AFG1L: variants seen among roughly 807,000 people sequenced by gnomAD.
The protein encoded by AFG1L is AFG1-like ATPase.
AFG1L carries 53 observed loss-of-function variants against 62.2 expected under a neutral mutation model. The observed-to-expected ratio is 0.85, with a 90% CI of 0.68 to 1.07. The LOEUF (loss-of-function observed/expected upper bound fraction) is 1.07, where lower values mean the gene tolerates loss of function less well. AFG1L is among the 50% of genes least tolerant of loss of function. The probability of loss-of-function intolerance (pLI) is 0.00; values close to 1 mark genes in which losing one functional copy is unlikely to be tolerated. For synonymous variants in AFG1L, 228 were observed against 210.3 expected (o/e 1.08, Z -0.73); for missense variants, 555 against 590.5 (o/e 0.94, Z 0.62).
intron 1 of AFG1L, among the ~76,000 whole-genome samples, chr6:108,316,966 A>T (rs1452524256): frequency 6.6e-6 from 1 of 152,210 alleles, no homozygotes; most frequent in East Asian, 1.9e-4. Flanking sequence ...AATATACAAT[A>T]TACAATTTTC....
chr6:108,315,310 A>G (rs1267987973), intron 1 of AFG1L, among the ~76,000 whole-genome samples: 2 of 152,172 alleles, frequency 1.3e-5, no homozygotes, highest in Non-Finnish European at 2.9e-5. Flanking sequence ...CCTCATCTAT[A>G]ACCTTAGGCT....
chr6:108,405,949 A>G (rs1781834051), intron 7 of AFG1L, among the ~76,000 whole-genome samples: 1 of 151,944 alleles, frequency 6.6e-6, no homozygotes, highest in Non-Finnish European at 1.5e-5. Flanking sequence ...ATGTTGTAAC[A>G]TGTGTCAGAA....
intron 1 of AFG1L, among the ~76,000 whole-genome samples, chr6:108,323,551 G>A (rs764433954): frequency 5.3e-5 from 8 of 152,062 alleles, no homozygotes; most frequent in South Asian, 2.1e-4. Flanking sequence ...TAGTAGAGAT[G>A]TGGTTTCACC....
At chr6:108,495,694 G>A (rs1244714665) in intron 10 of AFG1L, among the ~76,000 whole-genome samples, 1 of 152,172 alleles carries the variant, frequency 6.6e-6, no homozygotes, top group Non-Finnish European at 1.5e-5. Context: ...ATATAATCAA[G>A]CTGTATACTC....
At chr6:108,516,269 C>T (rs1473778745) in intron 11 of AFG1L, among the ~76,000 whole-genome samples, 9 of 152,220 alleles carry the variant, frequency 5.9e-5, no homozygotes, top group African/African-American at 1.7e-4. Flanking sequence ...ACTGGCAAAC[C>T]GAATCCAGCA....
intron 6 of AFG1L, among the ~76,000 whole-genome samples, chr6:108,398,609 TTTTTA>T (rs1469561756): frequency 6.6e-6 from 1 of 152,172 alleles, no homozygotes; most frequent in East Asian, 1.9e-4. Flanking sequence ...TAAGTCTTTA[TTTTTA>T]TTTTATTTTT....
chr6:108,463,661 T>C (rs150021742), intron 8 of AFG1L, among the ~76,000 whole-genome samples: 3 of 152,088 alleles, frequency 2.0e-5, no homozygotes, highest in Admixed American at 6.5e-5. Context: ...AGGTCAAGAT[T>C]AATGGAACCA....
chr6:108,522,309 G>A lies in AFG1L; in HGVS notation c.1330G>A (p.Gly444Arg). Residue 444 changes from glycine (G) to arginine (R), a missense_variant, in exon 13 of 13, where the codon GGA becomes AGA. Physicochemically the swap from Gly to Arg is moderately radical, Grantham distance 125. Transcript: ENST00000368977. ...GTTTTATAACCAGGATTCAGCAGAA[G>A]GACTCTCCATGTTTACCGGAGAAGA... ...DLGLSQDSAEGLSMFTGEEEI... is the reference protein window; with the variant it reads ...DLGLSQDSAERLSMFTGEEEI... 6.2e-7 allele frequency: 1 copy of A among 1,613,200 alleles called. No homozygotes were observed. The highest frequency in any genetic ancestry group is 1.1e-5 in the South Asian group (1 of 91,022).
chr6:108,332,150 T>A (rs1778299526), intron 2 of AFG1L, among the ~76,000 whole-genome samples: 1 of 152,196 alleles, frequency 6.6e-6, no homozygotes, highest in South Asian at 2.1e-4. Flanking sequence ...CAAAAACAAG[T>A]GTCATGCTGG....
chr6:108,441,701 T>TAA (rs33913085), intron 7 of AFG1L, among the ~76,000 whole-genome samples: 3,877 of 141,692 alleles, frequency 0.027, 166 homozygotes, highest in African/African-American at 0.086. Flanking sequence ...GAGGTTTATT[T>TAA]AAAAAAAAAA....
chr6:108,486,264 AT>A (rs1330078127), intron 10 of AFG1L, among the ~76,000 whole-genome samples: 1 of 151,724 alleles, frequency 6.6e-6, no homozygotes. Flanking sequence ...TTAAACAGAA[AT>A]TTTTTTTTAA....
chr6:108,314,521 C>T (rs958663275), intron 1 of AFG1L, among the ~76,000 whole-genome samples: 5 of 151,828 alleles, frequency 3.3e-5, no homozygotes, highest in Admixed American at 2.0e-4. Flanking sequence ...CTCAGCCTCC[C>T]TGGTAGCTGC....
At chr6:108,502,294 C>T (rs1190763680) in intron 10 of AFG1L, among the ~76,000 whole-genome samples, 1 of 151,910 alleles carries the variant, frequency 6.6e-6, no homozygotes, top group Non-Finnish European at 1.5e-5. Context: ...TAACCTCTGC[C>T]TCCTGGGTTT....
At chr6:108,400,574 TTTA>T (rs571000023) in intron 6 of AFG1L, among the ~76,000 whole-genome samples, 18 of 137,556 alleles carry the variant, frequency 1.3e-4, no homozygotes, top group South Asian at 8.5e-4. Flanking sequence ...TAAATATATA[TTTA>T]TTATTATAAT....
At chr6:108,485,761 C>T (rs1393410987) in intron 10 of AFG1L, among the ~76,000 whole-genome samples, 4 of 143,920 alleles carry the variant, frequency 2.8e-5, no homozygotes, top group Non-Finnish European at 6.0e-5. Flanking sequence ...ACCTCAGCCC[C>T]CCAGGCTCAA....
chr6:108,449,702 T>G (rs1771972774), intron 8 of AFG1L, among the ~76,000 whole-genome samples: 1 of 152,146 alleles, frequency 6.6e-6, no homozygotes, highest in African/African-American at 2.4e-5. Context: ...CTGCACCCAT[T>G]AACTCCTCAT....
At chr6:108,471,606 C>G (rs1305013117) in intron 8 of AFG1L, among the ~76,000 whole-genome samples, 1 of 151,310 alleles carries the variant, frequency 6.6e-6, no homozygotes, top group Non-Finnish European at 1.5e-5. Flanking sequence ...GATTACAGGT[C>G]CCGCCACCAT....
intron 7 of AFG1L, among the ~76,000 whole-genome samples, chr6:108,439,741 T>C (rs1407318604): frequency 6.6e-6 from 1 of 152,192 alleles, no homozygotes; most frequent in Middle Eastern, 3.2e-3. Context: ...TGGAGCAGCT[T>C]ATGTATTGAA....
At chr6:108,467,112 T>C (rs564040468) in intron 8 of AFG1L, among the ~76,000 whole-genome samples, 20 of 152,258 alleles carry the variant, frequency 1.3e-4, no homozygotes, top group Non-Finnish European at 2.5e-4. Context: ...CAGTGCAAAA[T>C]CAAAGAATTT....
Sources: allele counts gnomAD v4.1 joint callset (sites outside exome capture counted in the v4.1 genomes callset), GRCh38; gene constraint gnomAD v4.1.1; transcripts MANE v1.5; gene names NCBI Gene and HGNC (gene_info 2026-07-23, HGNC 2026-07-21).